Variants in MECOM observed in about 807,000 individuals in gnomAD.
MECOM encodes histone-lysine N-methyltransferase MECOM.
Under a neutral mutation model 116.3 loss-of-function variants are expected in MECOM, and 13 were observed. The ratio of observed to expected loss-of-function variants is 0.11; its 90% confidence interval spans 0.07 to 0.18. The LOEUF (loss-of-function observed/expected upper bound fraction) is 0.18, where lower values mean the gene tolerates loss of function less well. MECOM is among the 10% of genes least tolerant of loss of function. MECOM has a pLI of 1.00. For synonymous variants in MECOM, 528 were observed against 535.2 expected (o/e 0.99, Z 0.19); for missense variants, 1,299 against 1,509.0 (o/e 0.86, Z 2.31).
chr3:169,142,818 T>A (rs1232830310), intron 3 of MECOM, among the ~76,000 whole-genome samples: 2 of 151,848 alleles, frequency 1.3e-5, no homozygotes, highest in Non-Finnish European at 2.9e-5. Flanking sequence ...ATTCTTCTTC[T>A]TGATGGTGAT....
At chr3:169,230,232 T>C (rs1753205621) in intron 2 of MECOM, among the ~76,000 whole-genome samples, 1 of 138,546 alleles carries the variant, frequency 7.2e-6, no homozygotes, top group African/African-American at 2.7e-5. Context: ...AAATTTCCTC[T>C]TTTAGTGCCA....
At chr3:169,192,070 T>G (rs1747776916) in intron 2 of MECOM, among the ~76,000 whole-genome samples, 1 of 151,998 alleles carries the variant, frequency 6.6e-6, no homozygotes, top group Non-Finnish European at 1.5e-5. Context: ...ACTGGACTGT[T>G]AAGGAACCTA....
chr3:169,242,576 A>T (rs1202663119), intron 2 of MECOM, among the ~76,000 whole-genome samples: 1 of 151,962 alleles, frequency 6.6e-6, no homozygotes, highest in African/African-American at 2.4e-5. Flanking sequence ...CAACCACAAC[A>T]TGCTACCCAC....
intron 2 of MECOM, among the ~76,000 whole-genome samples, chr3:169,311,382 C>A (rs1171376247): frequency 6.6e-6 from 1 of 152,142 alleles, no homozygotes; most frequent in Non-Finnish European, 1.5e-5. Flanking sequence ...TCAAAATAAA[C>A]AAATAGCTGA....
Position 169,090,238 on chromosome 3 carries a change from T to G in MECOM, c.3165-2A>C. On this transcript the variant is annotated splice_acceptor_variant, in intron 14 of 16. Coordinates refer to ENST00000651503, the MANE Select transcript of MECOM (RefSeq NM_004991.4). LOFTEE classifies it high-confidence loss of function. ...TCTTTAAAATGACTGCCATTCATTC[T>G]TTCAAAAGCATTAAAAAAAAAGTCC... is the stretch of plus-strand genomic sequence containing the variant. The G allele has an allele frequency of 1.9e-6, 3 of 1,587,422 alleles. No individual in the cohort carries two copies. The highest frequency in any genetic ancestry group is 2.6e-6 in the Non-Finnish European group (3 of 1,172,178).
chr3:169,625,125 G>A (rs1235781356), intron 1 of MECOM, among the ~76,000 whole-genome samples: 9 of 151,868 alleles, frequency 5.9e-5, no homozygotes, highest in African/African-American at 2.2e-4. Flanking sequence ...TGTGATGAAC[G>A]AAAACCCTCC....
chr3:169,291,789 T>A (rs931879651), intron 2 of MECOM, among the ~76,000 whole-genome samples: 5 of 152,216 alleles, frequency 3.3e-5, no homozygotes, highest in Admixed American at 3.3e-4. Flanking sequence ...AGTATGGAGA[T>A]AGCTACTCTG....
At position 169,103,714 on chromosome 3, in the gene MECOM, T is replaced by G. The variant is rs143933974; in HGVS notation, c.2605-1488A>C. 4.8e-3 allele frequency among the ~76,000 whole-genome samples: 731 copies of G among 152,254 alleles called. 5 individuals are homozygous for G. Among genetic ancestry groups the G allele is most frequent in the Admixed American group, 8.7e-3 (133 of 15,290 alleles). The stretch of plus-strand genomic sequence containing the variant: ...ACATTTCCTACTCAGAAGGAAAAAT[T>G]AACAAGACATATATTCTGTGGACAC... On this transcript the variant is annotated intron_variant, in intron 10 of 16. Transcript: ENST00000651503.
chr3:169,652,240 A>G (rs1775011149), intron 1 of MECOM, among the ~76,000 whole-genome samples: 1 of 152,212 alleles, frequency 6.6e-6, no homozygotes, highest in South Asian at 2.1e-4. Flanking sequence ...GGGACCCAAA[A>G]GAAGGTCATG....
intron 1 of MECOM, among the ~76,000 whole-genome samples, chr3:169,576,717 A>G (rs1253076669): frequency 2.0e-5 from 3 of 151,924 alleles, no homozygotes; most frequent in Non-Finnish European, 4.4e-5. Flanking sequence ...TGAAACTTGG[A>G]AAGGTTCAGT....
intron 2 of MECOM, chr3:169,146,422 G>A: frequency 7.2e-7 from 1 of 1,392,550 alleles, no homozygotes. Flanking sequence ...GGAGGGAGGG[G>A]AAGGAGGAGA....
chr3:169,576,796 T>TACACACACACACACAC (rs373881811), intron 1 of MECOM, among the ~76,000 whole-genome samples: 1 of 136,500 alleles, frequency 7.3e-6, no homozygotes, highest in Non-Finnish European at 1.6e-5. Context: ...CTTCCTGTTT[T>TACACACACACACACAC]ACACACACAC....
chr3:169,513,292 G>A lies in MECOM; in HGVS notation c.38-131768C>T, dbSNP rs116348294. On this transcript the variant is annotated intron_variant, in intron 1 of 16. Transcript: ENST00000651503. The stretch of plus-strand genomic sequence containing the variant: ...CATCAACCACATGCACACAGTGAAG[G>A]CAGATGAATCTGCCCATCAAGTGTG... 6.2e-3 allele frequency among the ~76,000 whole-genome samples: 943 copies of A among 152,320 alleles called. 12 individuals are homozygous for A. The highest frequency in any genetic ancestry group is 0.017 in the Middle Eastern group (5 of 294).
intron 2 of MECOM, among the ~76,000 whole-genome samples, chr3:169,314,757 A>G (rs1719439041): frequency 6.6e-6 from 1 of 152,200 alleles, no homozygotes; most frequent in South Asian, 2.1e-4. Flanking sequence ...AGAGAGGAAA[A>G]GGCAAAAAGA....
intron 16 of MECOM, among the ~76,000 whole-genome samples, chr3:169,085,544 T>C (rs754270823): frequency 1.3e-5 from 2 of 152,200 alleles, no homozygotes; most frequent in Non-Finnish European, 2.9e-5. Context: ...ATTAGATAGA[T>C]AGTGGGAGAA....
chr3:169,494,316 T>A (rs1232704715), intron 1 of MECOM, among the ~76,000 whole-genome samples: 1 of 152,108 alleles, frequency 6.6e-6, no homozygotes, highest in African/African-American at 2.4e-5. Context: ...AAGTTGACAG[T>A]TCACACTGCC....
At chr3:169,321,611 G>A (rs374698012) in intron 2 of MECOM, among the ~76,000 whole-genome samples, 2 of 152,282 alleles carry the variant, frequency 1.3e-5, no homozygotes, top group East Asian at 1.9e-4. Flanking sequence ...CAGAAAAGAA[G>A]GTAGCTAAAC....
At chr3:169,375,626 C>T (rs1231977614) in intron 2 of MECOM, among the ~76,000 whole-genome samples, 1 of 151,996 alleles carries the variant, frequency 6.6e-6, no homozygotes, top group East Asian at 1.9e-4. Flanking sequence ...AAGGCTAAAC[C>T]AGGAAGAAGT....
At chr3:169,422,259 T>C (rs1739898064) in intron 1 of MECOM, among the ~76,000 whole-genome samples, 1 of 152,092 alleles carries the variant, frequency 6.6e-6, no homozygotes. Flanking sequence ...TTACTGGGAA[T>C]TAGTGTAATA....
Sources: gnomAD v4.1 joint callset for allele counts (sites outside exome capture counted in the v4.1 genomes callset) on GRCh38, gnomAD v4.1.1 for gene constraint, MANE v1.5 for transcripts, NCBI Gene and HGNC (gene_info 2026-07-23, HGNC 2026-07-21) for gene names.